The following SPOCK3 variants were observed in gnomAD, a reference collection of about 807,000 sequenced individuals.
SPOCK3 encodes SPARC (osteonectin), cwcv and kazal like domains proteoglycan 3, also known as testican-3.
Under a neutral mutation model 56.6 loss-of-function variants are expected in SPOCK3, and 30 were observed. The observed-to-expected ratio is 0.53, with a 90% CI of 0.40 to 0.72. SPOCK3 has a LOEUF of 0.72. Ranked by LOEUF, SPOCK3 falls within the 30% of genes least tolerant of loss-of-function variation. The pLI, the probability that SPOCK3 is intolerant of heterozygous loss-of-function variation, is 0.00. For missense variants in SPOCK3, 527 were observed against 530.0 expected (o/e 0.99, Z 0.06); for synonymous variants, 196 against 183.3 (o/e 1.07, Z -0.56).
In SPOCK3 at chr4:167,103,724, C is replaced by G. The variant is rs544336280; in HGVS notation, c.190-41187G>C. ...GCTTCACCACCTGCAGATAGTAGAG[C>G]CCTAGGACCTTGAGCAAACATAGGC... On this transcript the variant is annotated intron_variant, in intron 2 of 10. Coordinates refer to ENST00000357545, the MANE Select transcript of SPOCK3 (RefSeq NM_001040159.2). 2.6e-5 allele frequency among the ~76,000 whole-genome samples: 4 copies of G among 152,232 alleles called. No individual in the cohort carries two copies. The South Asian group carries it at 8.3e-4, about 32-fold the overall frequency.
At position 166,742,039 on chromosome 4, in the gene SPOCK3, G is replaced by A. The variant is rs148066757; in HGVS notation, c.952C>T (p.Leu318Phe). The change falls in exon 9 of 11, where the codon CTC becomes TTC. Residue 318 changes from leucine to phenylalanine, a missense_variant. Leu to Phe is a conservative substitution (Grantham distance 22). Coordinates refer to ENST00000357545, the MANE Select transcript of SPOCK3 (RefSeq NM_001040159.2). ...RQQDPPCQTE[L>F]SNIQKRQGVK... is the part of the protein sequence containing the mutation. ...CCTTGCCGCTTCTGAATATTGCTGA[G>A]CTCAGTCTGGCAAGGTGGGTCTGCA... 5.6e-6 allele frequency: 9 copies of A among 1,612,750 alleles called. No homozygotes were observed. In the East Asian group the frequency reaches 1.8e-4, roughly 32 times the overall value.
In SPOCK3 at chr4:166,860,802, C is replaced by CATATATATATATATATACATATAT; in HGVS notation, c.589+28327_589+28328insATATATGTATATATATATATATAT. Among the ~76,000 whole-genome samples, 7 of 101,938 alleles carry CATATATATATATATATACATATAT rather than the reference C, an allele frequency of 6.9e-5. 1 individual carries two copies. The highest frequency in any genetic ancestry group is 1.0e-4 in the Non-Finnish European group (5 of 49,452). 66.9% of individuals were successfully genotyped at this position (101,938 alleles called of 152,430 possible). A position where few individuals can be genotyped will look rare whatever the true frequency, so the allele number is the denominator to read the frequency against. ...ACACGTGTACATGCACACACAAATT[C>CATATATATATATATATACATATAT]ATATATATATATATGTATATATATA... On this transcript the variant is annotated intron_variant, in intron 6 of 10. Coordinates refer to ENST00000357545, the MANE Select transcript of SPOCK3 (RefSeq NM_001040159.2).
intron 7 of SPOCK3, among the ~76,000 whole-genome samples, chr4:166,775,819 G>T (rs1056880870): frequency 6.6e-6 from 1 of 152,192 alleles, no homozygotes; most frequent in African/African-American, 2.4e-5. Flanking sequence ...CTGATTAAAT[G>T]AATTAAGTGC....
chr4:167,158,415 G>T (rs1054549548), intron 2 of SPOCK3, among the ~76,000 whole-genome samples: 2 of 151,936 alleles, frequency 1.3e-5, no homozygotes, highest in African/African-American at 4.8e-5. Flanking sequence ...TGTATGAAAT[G>T]CAGTGGGTGT....
At position 166,747,912 on chromosome 4, in the gene SPOCK3, G is replaced by T. The variant is rs1735862345; in HGVS notation, c.932-5853C>A. On this transcript the variant is annotated intron_variant, in intron 8 of 10. Coordinates refer to ENST00000357545, the MANE Select transcript of SPOCK3 (RefSeq NM_001040159.2). ...TGCTTCAAAGAGAATAAAATACCTA[G>T]GAATCCAACTTATAGGAAATGTGAA... is the stretch of plus-strand genomic sequence containing the variant. Among the ~76,000 whole-genome samples, 4 of 151,836 alleles carry T rather than the reference G, an allele frequency of 2.6e-5. No homozygotes were observed. The South Asian group carries it at 8.3e-4, about 32-fold the overall frequency.
intron 6 of SPOCK3, among the ~76,000 whole-genome samples, chr4:166,820,546 G>A (rs1324643175): frequency 6.6e-6 from 1 of 151,902 alleles, no homozygotes; most frequent in Non-Finnish European, 1.5e-5. Flanking sequence ...TAAAGCGAGT[G>A]TATCCCCAAC....
At chr4:166,969,611 T>C (rs995614767) in intron 4 of SPOCK3, among the ~76,000 whole-genome samples, 1 of 150,776 alleles carries the variant, frequency 6.6e-6, no homozygotes, top group African/African-American at 2.4e-5. Flanking sequence ...GGAAGATGTG[T>C]TTGCTTCCTC....
At chr4:167,052,565 G>T (rs1580131281) in intron 3 of SPOCK3, among the ~76,000 whole-genome samples, 1 of 152,208 alleles carries the variant, frequency 6.6e-6, no homozygotes, top group Middle Eastern at 3.4e-3. Flanking sequence ...AGAAAATACT[G>T]TAATCATGTA....
chr4:166,765,784 C>A (rs530065853), intron 7 of SPOCK3, among the ~76,000 whole-genome samples: 63 of 152,190 alleles, frequency 4.1e-4, no homozygotes, highest in African/African-American at 1.4e-3. Context: ...GGGCAGTATG[C>A]CCATTTTTAT....
chr4:167,222,533 T>C (rs1017051412), intron 2 of SPOCK3, among the ~76,000 whole-genome samples: 22 of 146,010 alleles, frequency 1.5e-4, no homozygotes, highest in Admixed American at 6.3e-4. Context: ...ATGTATGTTA[T>C]AGATTCATAT....
chr4:167,110,691 T>C (rs2150346447), intron 2 of SPOCK3, among the ~76,000 whole-genome samples: 1 of 152,080 alleles, frequency 6.6e-6, no homozygotes, highest in Admixed American at 6.6e-5. Context: ...AATAAACATT[T>C]TATGGATAAA....
intron 3 of SPOCK3, among the ~76,000 whole-genome samples, chr4:167,002,241 G>A (rs1361227236): frequency 7.9e-5 from 12 of 152,108 alleles, no homozygotes; most frequent in African/African-American, 2.9e-4. Flanking sequence ...TTACAATGGT[G>A]AGCCACTGCC....
chr4:166,780,530 A>G (rs1438750104), intron 7 of SPOCK3, among the ~76,000 whole-genome samples: 1 of 152,096 alleles, frequency 6.6e-6, no homozygotes, highest in African/African-American at 2.4e-5. Context: ...ATGGAAGAAA[A>G]CCTTAAATTC....
At chr4:166,867,911 T>A (rs1403043562) in intron 6 of SPOCK3, among the ~76,000 whole-genome samples, 1 of 151,966 alleles carries the variant, frequency 6.6e-6, no homozygotes, top group Non-Finnish European at 1.5e-5. Context: ...AAATTTAATT[T>A]AAATTTAATT....
chr4:166,879,386 A>G (rs1041775357), intron 6 of SPOCK3, among the ~76,000 whole-genome samples: 1 of 152,050 alleles, frequency 6.6e-6, no homozygotes, highest in Admixed American at 6.6e-5. Flanking sequence ...ATAAAAATAA[A>G]TTAGCCAGGC....
chr4:166,805,103 A>G lies in SPOCK3; in HGVS notation c.590-12814T>C, dbSNP rs74652908. On this transcript the variant is annotated intron_variant, in intron 6 of 10. Transcript: ENST00000357545. Reference sequence around the variant, plus strand: ...TAATATTCTATGGATATGTGTGTGTAATATATGCCCTTTATATAAATGATA... The same window carrying G: ...TAATATTCTATGGATATGTGTGTGTGATATATGCCCTTTATATAAATGATA... Among the ~76,000 whole-genome samples, 525 of 152,158 alleles carry G rather than the reference A, an allele frequency of 3.5e-3. 3 individuals carry two copies. Among genetic ancestry groups the G allele is most frequent in the African/African-American group, 0.012 (492 of 41,550 alleles).
intron 4 of SPOCK3, among the ~76,000 whole-genome samples, chr4:166,989,620 C>T (rs1330761555): frequency 6.6e-6 from 1 of 152,142 alleles, no homozygotes; most frequent in Non-Finnish European, 1.5e-5. Flanking sequence ...CTTCAAAACA[C>T]TTACACAGTC....
At chr4:166,841,306 G>A (rs1473731470) in intron 6 of SPOCK3, among the ~76,000 whole-genome samples, 1 of 152,124 alleles carries the variant, frequency 6.6e-6, no homozygotes, top group Non-Finnish European at 1.5e-5. Flanking sequence ...AGTTCCAGAT[G>A]TTAGCCATAC....
rs1288097677 is a variant in SPOCK3, at chr4:167,055,858, C to G, written c.235+6634G>C. Among the ~76,000 whole-genome samples the G allele has an allele frequency of 4.5e-4, 68 of 152,212 alleles. 1 individual carries two copies. Among genetic ancestry groups the G allele is most frequent in the Admixed American group, 4.4e-3 (68 of 15,282 alleles). On this transcript the variant is annotated intron_variant, in intron 3 of 10. Coordinates refer to ENST00000357545, the MANE Select transcript of SPOCK3 (RefSeq NM_001040159.2). ...GGAGGCCTGCCTGCCTCTGTAGGCT[C>G]CACCTCTGGGGGCAGGGCACAGACA...
Sources: gnomAD v4.1 joint callset for allele counts (sites outside exome capture counted in the v4.1 genomes callset) on GRCh38, gnomAD v4.1.1 for gene constraint, MANE v1.5 for transcripts, NCBI Gene and HGNC (gene_info 2026-07-23, HGNC 2026-07-21) for gene names.